The following DPP6 variants were observed in gnomAD, a reference collection of about 807,000 sequenced individuals.
DPP6 encodes the protein A-type potassium channel modulatory protein DPP6.
DPP6 carries 69 observed loss-of-function variants against 122.6 expected under a neutral mutation model. The observed-to-expected ratio is 0.56, with a 90% CI of 0.46 to 0.69. The LOEUF is 0.69. Ranked by LOEUF, DPP6 falls within the 30% of genes least tolerant of loss-of-function variation. The pLI is 0.00. For synonymous variants in DPP6, 418 were observed against 433.1 expected (o/e 0.97, Z 0.43); for missense variants, 928 against 1,116.9 (o/e 0.83, Z 2.41).
the DPP6 span, among the ~76,000 whole-genome samples, chr7:153,798,237 C>T: frequency 9.9e-5 from 15 of 152,166 alleles, no homozygotes; most frequent in Admixed American, 7.9e-4. Flanking sequence ...CCCCACTTCC[C>T]AATGCATTGA....
At position 153,942,267 on chromosome 7, in the gene DPP6, T is replaced by C. The variant is rs374526633; in HGVS notation, c.51+54533T>C. ...TGCCAATGGCCATCCTTCCCAGGGC[T>C]GGATTTTGCCTCTCCTCTCCTTGCG... On this transcript the variant is annotated intron_variant, in intron 1 of 25. Coordinates refer to the DPP6 transcript ENST00000404039. 1.0e-3 allele frequency among the ~76,000 whole-genome samples: 157 copies of C among 152,362 alleles called. 3 individuals are homozygous for C. The Middle Eastern group carries it at 0.017, about 17-fold the overall frequency.
At chr7:154,375,192 G>T (rs796611423) in intron 1 of DPP6, among the ~76,000 whole-genome samples, 2 of 152,032 alleles carry the variant, frequency 1.3e-5, no homozygotes, top group African/African-American at 4.8e-5. Flanking sequence ...GGAGGCTGGC[G>T]TGAAATGGGG....
At chr7:154,168,359 G>A (rs541562312) in intron 1 of DPP6, among the ~76,000 whole-genome samples, 4 of 152,278 alleles carry the variant, frequency 2.6e-5, no homozygotes, top group South Asian at 2.1e-4. Context: ...ACACATAAAC[G>A]CATTGATCAC....
chr7:154,060,372 C>G (rs1282703899), intron 1 of DPP6, among the ~76,000 whole-genome samples: 1 of 129,100 alleles, frequency 7.7e-6, no homozygotes, highest in Non-Finnish European at 1.7e-5. Context: ...GAGCCAGCCC[C>G]TGGTTCCCCC....
At chr7:154,090,990 G>A (rs1173221175) in intron 1 of DPP6, among the ~76,000 whole-genome samples, 6 of 151,014 alleles carry the variant, frequency 4.0e-5, no homozygotes, top group South Asian at 2.1e-4. Context: ...GCGTGGTGGC[G>A]GGTGCCTGTA....
chr7:154,777,120 C>G (rs1445523961), intron 10 of DPP6, among the ~76,000 whole-genome samples: 1 of 152,248 alleles, frequency 6.6e-6, no homozygotes, highest in Non-Finnish European at 1.5e-5. Context: ...ACTTACTCAT[C>G]ATCCATGTGG....
chr7:154,625,440 G>A (rs770482575), intron 5 of DPP6, among the ~76,000 whole-genome samples: 1 of 152,160 alleles, frequency 6.6e-6, no homozygotes, highest in Non-Finnish European at 1.5e-5. Context: ...GACACAGGCT[G>A]CCTACATGCA....
At chr7:154,472,679 T>C (rs1822383757) in intron 2 of DPP6, among the ~76,000 whole-genome samples, 1 of 152,186 alleles carries the variant, frequency 6.6e-6, no homozygotes, top group South Asian at 2.1e-4. Flanking sequence ...ATTTTGGGAA[T>C]GAATCAAATG....
intron 8 of DPP6, among the ~76,000 whole-genome samples, chr7:154,733,096 C>T (rs1842413976): frequency 6.6e-6 from 1 of 152,238 alleles, no homozygotes; most frequent in Non-Finnish European, 1.5e-5. Context: ...GTCCTGGTTC[C>T]ACCTACCTGG....
chr7:154,331,741 G>A (rs1808962396), intron 1 of DPP6, among the ~76,000 whole-genome samples: 1 of 152,154 alleles, frequency 6.6e-6, no homozygotes, highest in Non-Finnish European at 1.5e-5. Context: ...CACACAGCAG[G>A]TGTGGCCAAA....
chr7:154,741,968 A>C (rs980234276), intron 8 of DPP6, among the ~76,000 whole-genome samples: 1 of 152,142 alleles, frequency 6.6e-6, no homozygotes, highest in Non-Finnish European at 1.5e-5. Flanking sequence ...ATATTCCAAC[A>C]CCTGACAGTG....
chr7:153,815,256 CAA>C, the DPP6 span, among the ~76,000 whole-genome samples: 1 of 152,168 alleles, frequency 6.6e-6, no homozygotes, highest in East Asian at 1.9e-4. Context: ...GCAACTTCAG[CAA>C]AGTCTCAGGA....
At chr7:154,034,407 T>G (rs752568873) in intron 1 of DPP6, among the ~76,000 whole-genome samples, 1 of 152,190 alleles carries the variant, frequency 6.6e-6, no homozygotes, top group Non-Finnish European at 1.5e-5. Context: ...CTCATCGCTG[T>G]GGATCCTTCC....
At chr7:154,762,864 G>A (rs1795644197) in intron 8 of DPP6, among the ~76,000 whole-genome samples, 1 of 152,232 alleles carries the variant, frequency 6.6e-6, no homozygotes, top group African/African-American at 2.4e-5. Flanking sequence ...CCAGGCAACA[G>A]GAGGCTCCCA....
Position 154,710,502 on chromosome 7 carries a change from G to T in DPP6, c.763-17265G>T, listed in dbSNP as rs76075384. Reference sequence around the variant, plus strand: ...GGTAATCCTAACTTGCTGTTATATGGCCTATTGATGAAACCACTCGGGACC... The same window carrying T: ...GGTAATCCTAACTTGCTGTTATATGTCCTATTGATGAAACCACTCGGGACC... On this transcript the variant is annotated intron_variant, in intron 7 of 25. Transcript: ENST00000377770. 8.8e-3 allele frequency among the ~76,000 whole-genome samples: 1,344 copies of T among 152,226 alleles called. 23 individuals carry two copies. The highest frequency in any genetic ancestry group is 0.031 in the African/African-American group (1,285 of 41,526).
chr7:154,565,285 A>G (rs62477168), intron 4 of DPP6, among the ~76,000 whole-genome samples: 16,690 of 152,272 alleles, frequency 0.11, 1,061 homozygotes, highest in African/African-American at 0.16. Context: ...CTAGTTGCAC[A>G]TGAACTAGTG....
In DPP6 at chr7:154,198,573, C is replaced by G. The variant is rs149008924; in HGVS notation, c.243+145510C>G. On this transcript the variant is annotated intron_variant, in intron 1 of 25. Coordinates refer to ENST00000377770, the MANE Select transcript of DPP6 (RefSeq NM_130797.4). The stretch of plus-strand genomic sequence containing the variant: ...AAATGATCTGCCCGCCTCGGCCACC[C>G]AAAGTGCTGGGATTACAGGCGTGAG... 3.9e-3 allele frequency among the ~76,000 whole-genome samples: 593 copies of G among 152,248 alleles called. 4 individuals are homozygous for G. Among genetic ancestry groups the G allele is most frequent in the African/African-American group, 0.014 (568 of 41,544 alleles).
intron 17 of DPP6, among the ~76,000 whole-genome samples, chr7:154,861,040 C>T (rs1196396554): frequency 6.6e-6 from 1 of 152,244 alleles, no homozygotes. Flanking sequence ...TGCCTAACTT[C>T]AGCCCTAGGT....
the DPP6 span, among the ~76,000 whole-genome samples, chr7:153,864,613 C>T: frequency 6.6e-6 from 1 of 151,500 alleles, no homozygotes; most frequent in Non-Finnish European, 1.5e-5. Flanking sequence ...GCCAAGATTG[C>T]ACCACTACAC....
Sources: gnomAD v4.1 joint callset for allele counts (sites outside exome capture counted in the v4.1 genomes callset) on GRCh38, gnomAD v4.1.1 for gene constraint, MANE v1.5 for transcripts, NCBI Gene and HGNC (gene_info 2026-07-23, HGNC 2026-07-21) for gene names.